The following GOLM1 variants were observed in gnomAD, a reference collection of about 807,000 sequenced individuals.
GOLM1 encodes the protein golgi membrane protein 1.
Under a neutral mutation model 50.5 loss-of-function variants are expected in GOLM1, and 31 were observed. That is an observed-to-expected ratio of 0.61 (90% CI 0.46 to 0.83). The LOEUF is 0.83. GOLM1 is among the 40% of genes least tolerant of loss of function. The probability of loss-of-function intolerance (pLI) is 0.00; values close to 1 mark genes in which losing one functional copy is unlikely to be tolerated. For missense variants in GOLM1, 491 were observed against 501.3 expected (o/e 0.98, Z 0.20); for synonymous variants, 178 against 192.8 (o/e 0.92, Z 0.64).
Position 86,027,869 on chromosome 9 carries a change from C to G in GOLM1, c.1154G>C (p.Arg385Thr). The change falls in exon 10 of 10, where the codon AGA (arginine) becomes ACA (threonine). Residue 385 changes from arginine to threonine, a missense_variant. Transcript: ENST00000388712. ...IDVFNVEDQK[R>T]DTINLLDQRE... is the part of the protein sequence containing the mutation. ...CTGATCAAGTAAATTTATGGTGTCT[C>G]TTTTCTGATCTTCAACATTAAAAAC... The G allele has an allele frequency of 6.2e-7, 1 of 1,605,294 alleles. No individual in the cohort carries two copies. Among genetic ancestry groups the G allele is most frequent in the Non-Finnish European group, 8.5e-7 (1 of 1,172,258 alleles).
intron 5 of GOLM1, among the ~76,000 whole-genome samples, chr9:86,042,257 G>A (rs186555997): frequency 1.6e-4 from 25 of 152,310 alleles, no homozygotes; most frequent in Admixed American, 1.0e-3. Context: ...TTACCCACTC[G>A]TTTTGCAAAT....
chr9:86,054,430 G>A (rs555853546), intron 3 of GOLM1, among the ~76,000 whole-genome samples: 22 of 152,118 alleles, frequency 1.4e-4, no homozygotes, highest in Non-Finnish European at 2.1e-4. Flanking sequence ...CACCATGTTG[G>A]CCAGGCTGGT....
At chr9:86,094,828 A>T (rs1342645177) in intron 1 of GOLM1, among the ~76,000 whole-genome samples, 1 of 152,214 alleles carries the variant, frequency 6.6e-6, no homozygotes, top group Non-Finnish European at 1.5e-5. Context: ...TAATGCCTGT[A>T]ATCCCAGCAC....
Position 86,052,634 on chromosome 9 carries a change from C to A in GOLM1, c.310-43G>T, listed in dbSNP as rs1283247232. ...TCGCATGAAACACCCAAACCAACACCTCAGCCTGACAGCCAGATGTGATAC... is the reference window on the plus strand; with the variant it reads ...TCGCATGAAACACCCAAACCAACACATCAGCCTGACAGCCAGATGTGATAC... On this transcript the variant is annotated intron_variant, in intron 3 of 9. Coordinates refer to ENST00000388712, the MANE Select transcript of GOLM1 (RefSeq NM_016548.4). The A allele has an allele frequency of 3.2e-6, 5 of 1,543,216 alleles. No individual in the cohort carries two copies. The East Asian group carries it at 1.1e-4, about 35-fold the overall frequency.
intron 3 of GOLM1, among the ~76,000 whole-genome samples, chr9:86,060,898 AAAAAAAAAAAAAAAAAG>A (rs1211649151): frequency 0.017 from 2,248 of 135,458 alleles, 184 homozygotes; most frequent in African/African-American, 0.061. Context: ...AAAAAAAAAA[AAAAAAAAAAAAAAAAAG>A]AAGAAGAAGA....
At chr9:86,037,510 G>C (rs563696277) in intron 6 of GOLM1, among the ~76,000 whole-genome samples, 1 of 151,484 alleles carries the variant, frequency 6.6e-6, no homozygotes, top group Admixed American at 6.6e-5. Flanking sequence ...CTTATGGGAA[G>C]CAGCTCCAGC....
At chr9:86,051,810 C>T (rs1466883720) in intron 4 of GOLM1, among the ~76,000 whole-genome samples, 1 of 152,142 alleles carries the variant, frequency 6.6e-6, no homozygotes, top group Non-Finnish European at 1.5e-5. Flanking sequence ...AAACACATTT[C>T]ACAAAGTGAC....
chr9:86,094,858 CG>C (rs1835306623), intron 1 of GOLM1, among the ~76,000 whole-genome samples: 1 of 152,082 alleles, frequency 6.6e-6, no homozygotes, highest in African/African-American at 2.4e-5. Flanking sequence ...CCAAGGCAGG[CG>C]GATCACCTGA....
intron 1 of GOLM1, among the ~76,000 whole-genome samples, chr9:86,082,122 A>G (rs1304628089): frequency 7.6e-5 from 10 of 131,200 alleles, no homozygotes; most frequent in Non-Finnish European, 9.3e-5. Flanking sequence ...TCCGCCTCCC[A>G]GGTTCATGCC....
chr9:86,030,942 C>T (rs997248709), intron 9 of GOLM1, among the ~76,000 whole-genome samples: 1 of 152,318 alleles, frequency 6.6e-6, no homozygotes, highest in Non-Finnish European at 1.5e-5. Context: ...GTTAGCCAGA[C>T]GTGGTGGCTT....
At chr9:86,078,534 G>A (rs1834689225) in intron 2 of GOLM1, among the ~76,000 whole-genome samples, 1 of 152,148 alleles carries the variant, frequency 6.6e-6, no homozygotes, top group African/African-American at 2.4e-5. Context: ...AGGGGTAGAA[G>A]GATGGCTTAG....
chr9:86,061,198 G>A (rs961947016), intron 3 of GOLM1, among the ~76,000 whole-genome samples: 1 of 152,088 alleles, frequency 6.6e-6, no homozygotes, highest in Non-Finnish European at 1.5e-5. Context: ...GCACACATAA[G>A]CTTGCCACAT....
chr9:86,088,420 G>GTATGTATATATATA (rs1835050906), intron 1 of GOLM1, among the ~76,000 whole-genome samples: 1 of 86,306 alleles, frequency 1.2e-5, no homozygotes. Context: ...TTTGAAGGGT[G>GTATGTATATATATA]TATATATATA....
At chr9:86,078,546 G>A (rs1005713908) in intron 2 of GOLM1, among the ~76,000 whole-genome samples, 18 of 152,234 alleles carry the variant, frequency 1.2e-4, no homozygotes, top group Admixed American at 6.5e-4. Flanking sequence ...ATGGCTTAGC[G>A]GGATCCTTTG....
chr9:86,049,454 C>T (rs1833665027), intron 4 of GOLM1, among the ~76,000 whole-genome samples: 1 of 152,146 alleles, frequency 6.6e-6, no homozygotes, highest in Non-Finnish European at 1.5e-5. Context: ...CTACAAATTA[C>T]CTTGGGCAGT....
intron 1 of GOLM1, among the ~76,000 whole-genome samples, chr9:86,088,943 G>C (rs1587742266): frequency 6.6e-6 from 1 of 152,134 alleles, no homozygotes; most frequent in East Asian, 1.9e-4. Context: ...AGGAGCTCTT[G>C]TAAGGCAGTC....
chr9:86,056,201 A>T (rs73478714), intron 3 of GOLM1, among the ~76,000 whole-genome samples: 6,095 of 152,220 alleles, frequency 0.04, 388 homozygotes, highest in African/African-American at 0.14. Flanking sequence ...TGCAATTTGA[A>T]ATATCTAAAG....
chr9:86,057,554 C>A (rs1017904757), intron 3 of GOLM1, among the ~76,000 whole-genome samples: 3 of 152,256 alleles, frequency 2.0e-5, no homozygotes, highest in Non-Finnish European at 2.9e-5. Context: ...GAACCCCCCA[C>A]TCCCAGGAGA....
chr9:86,037,239 A>AC (rs1237997877), intron 6 of GOLM1, among the ~76,000 whole-genome samples: 1 of 152,100 alleles, frequency 6.6e-6, no homozygotes, highest in Non-Finnish European at 1.5e-5. Context: ...ACATGGTGAA[A>AC]CCCCATCTCT....
Sources: allele counts gnomAD v4.1 joint callset (sites outside exome capture counted in the v4.1 genomes callset), GRCh38; gene constraint gnomAD v4.1.1; transcripts MANE v1.5; gene names NCBI Gene and HGNC (gene_info 2026-07-23, HGNC 2026-07-21).